Variants in TSPAN12 observed in about 807,000 individuals in gnomAD.
The protein encoded by TSPAN12 is tetraspanin 12.
TSPAN12 carries 19 observed loss-of-function variants against 39.2 expected under a neutral mutation model. The observed-to-expected ratio is 0.49, with a 90% CI of 0.34 to 0.71. TSPAN12 has a LOEUF of 0.71. Among genes scored for constraint, TSPAN12 ranks in the 30% least tolerant of loss-of-function variants. TSPAN12 has a pLI of 0.01. For synonymous variants in TSPAN12, 119 were observed against 124.8 expected (o/e 0.95, Z 0.31); for missense variants, 314 against 359.9 (o/e 0.87, Z 1.03).
intron 4 of TSPAN12, among the ~76,000 whole-genome samples, chr7:120,823,075 T>C (rs1232898092): frequency 6.6e-6 from 1 of 152,152 alleles, no homozygotes; most frequent in Non-Finnish European, 1.5e-5. Context: ...AAAATTTTCC[T>C]ATGAATGCTT....
chr7:120,845,615 G>A (rs1048156128), intron 2 of TSPAN12, among the ~76,000 whole-genome samples: 8 of 152,132 alleles, frequency 5.3e-5, no homozygotes, highest in Non-Finnish European at 8.8e-5. Context: ...CCTAAAGCAG[G>A]GGAACAATGC....
intron 4 of TSPAN12, among the ~76,000 whole-genome samples, chr7:120,833,228 C>T (rs968002426): frequency 2.6e-5 from 4 of 151,836 alleles, no homozygotes; most frequent in African/African-American, 9.7e-5. Context: ...AAAATATAAA[C>T]AAAATAATAA....
intron 7 of TSPAN12, among the ~76,000 whole-genome samples, chr7:120,798,253 C>T (rs986103034): frequency 6.6e-6 from 1 of 152,126 alleles, no homozygotes; most frequent in African/African-American, 2.4e-5. Context: ...AGGGATCTTC[C>T]CCCCTACCAA....
At chr7:120,839,026 A>G in intron 3 of TSPAN12, 114 bp from the exon 4 acceptor site, 1 of 1,035,426 alleles carries the variant, frequency 9.7e-7, no homozygotes, top group Non-Finnish European at 1.5e-6. Flanking sequence ...ATGATGCCTC[A>G]AAACTAGTGA....
chr7:120,795,584 T>C (rs41624), intron 7 of TSPAN12, among the ~76,000 whole-genome samples: 101,205 of 152,108 alleles, frequency 0.67, 33,988 homozygotes, highest in Middle Eastern at 0.8. Flanking sequence ...AATGTGCTTA[T>C]GAAGATAAAG....
At chr7:120,803,300 T>C (rs1441137712) in intron 7 of TSPAN12, among the ~76,000 whole-genome samples, 3 of 152,142 alleles carry the variant, frequency 2.0e-5, no homozygotes, top group African/African-American at 7.2e-5. Context: ...TTTGAAATAT[T>C]TGAACACATC....
intron 4 of TSPAN12, among the ~76,000 whole-genome samples, chr7:120,819,976 T>G (rs1794158206): frequency 6.6e-6 from 1 of 152,200 alleles, no homozygotes; most frequent in Non-Finnish European, 1.5e-5. Context: ...TGTTGTGATA[T>G]GAAGTGTACA....
intron 2 of TSPAN12, among the ~76,000 whole-genome samples, chr7:120,845,076 A>G (rs1794647108): frequency 6.6e-6 from 1 of 152,144 alleles, no homozygotes; most frequent in Non-Finnish European, 1.5e-5. Context: ...TGCCTAGGCT[A>G]ATGGCTTGCA....
intron 7 of TSPAN12, among the ~76,000 whole-genome samples, chr7:120,792,073 T>C (rs933986534): frequency 4.6e-5 from 7 of 152,206 alleles, no homozygotes; most frequent in Non-Finnish European, 1.0e-4. Flanking sequence ...GAAAAGCTGC[T>C]GAATCTCTTA....
intron 4 of TSPAN12, among the ~76,000 whole-genome samples, chr7:120,819,530 ATTTG>A (rs1237091545): frequency 6.6e-6 from 1 of 152,120 alleles, no homozygotes; most frequent in Non-Finnish European, 1.5e-5. Flanking sequence ...AGGAACACTG[ATTTG>A]TTTGACTTTG....
At chr7:120,848,771 T>C (rs1389212811) in intron 2 of TSPAN12, among the ~76,000 whole-genome samples, 1 of 152,198 alleles carries the variant, frequency 6.6e-6, no homozygotes, top group African/African-American at 2.4e-5. Context: ...AAGGAATTGA[T>C]TCCAGCAACA....
At chr7:120,791,201 T>C (rs766219518) in intron 7 of TSPAN12, among the ~76,000 whole-genome samples, 3 of 151,878 alleles carry the variant, frequency 2.0e-5, no homozygotes, top group East Asian at 1.9e-4. Context: ...TGGTGGTGCA[T>C]GCCTGAAATC....
At chr7:120,802,664 G>T (rs1793796709) in intron 7 of TSPAN12, among the ~76,000 whole-genome samples, 1 of 152,082 alleles carries the variant, frequency 6.6e-6, no homozygotes, top group Non-Finnish European at 1.5e-5. Context: ...AATGAATATT[G>T]GTTATCGTAT....
At chr7:120,800,322 C>T (rs1729532308) in intron 7 of TSPAN12, among the ~76,000 whole-genome samples, 1 of 152,106 alleles carries the variant, frequency 6.6e-6, no homozygotes, top group Admixed American at 6.6e-5. Context: ...CCACTGAGTT[C>T]TTTTTCAACC....
At chr7:120,808,345 A>G (rs188980320) in intron 6 of TSPAN12, among the ~76,000 whole-genome samples, 7 of 152,320 alleles carry the variant, frequency 4.6e-5, no homozygotes. Flanking sequence ...TCAACAGAAG[A>G]TAATGAATTT....
In TSPAN12 at chr7:120,833,420, AAAAAC is replaced by A. The variant is rs1794423210; in HGVS notation, c.285+5352_285+5356del. On this transcript the variant is annotated intron_variant, in intron 4 of 7. Transcript: ENST00000222747. ...CAACAAACAAACAAACAAACAAAAA[AAAAAC>A]AAGGGGAAATTTCTCCAAGGCCATT... Among the ~76,000 whole-genome samples, 3 of 152,024 alleles carry A rather than the reference AAAAAC, an allele frequency of 2.0e-5. No individual in the cohort carries two copies. The South Asian group carries it at 6.2e-4, about 31-fold the overall frequency.
At chr7:120,825,812 C>T (rs1794274548) in intron 4 of TSPAN12, among the ~76,000 whole-genome samples, 1 of 152,198 alleles carries the variant, frequency 6.6e-6, no homozygotes, top group Non-Finnish European at 1.5e-5. Context: ...GCTGAAAACA[C>T]ATATACACAC....
At chr7:120,793,266 T>A (rs1052099050) in intron 7 of TSPAN12, among the ~76,000 whole-genome samples, 1 of 152,246 alleles carries the variant, frequency 6.6e-6, no homozygotes, top group African/African-American at 2.4e-5. Context: ...AACTATAAAA[T>A]GCAATGACAT....
intron 7 of TSPAN12, among the ~76,000 whole-genome samples, chr7:120,792,620 T>C (rs1478288462): frequency 6.6e-6 from 1 of 152,192 alleles, no homozygotes; most frequent in Admixed American, 6.5e-5. Context: ...ACTCACTGGT[T>C]CTAGGCATCT....
Sources: gnomAD v4.1 joint callset for allele counts (sites outside exome capture counted in the v4.1 genomes callset) on GRCh38, gnomAD v4.1.1 for gene constraint, MANE v1.5 for transcripts, NCBI Gene and HGNC (gene_info 2026-07-23, HGNC 2026-07-21) for gene names.